SCEL: variants seen among roughly 807,000 people sequenced by gnomAD.
The protein encoded by SCEL is sciellin.
In SCEL, 113 loss-of-function variants were observed where a neutral mutation model predicts 117.6. The observed-to-expected ratio is 0.96, with a 90% CI of 0.83 to 1.12. The LOEUF is 1.12. Ranked by LOEUF, SCEL falls within the 50% of genes most tolerant of loss-of-function variation. SCEL has a pLI of 0.00. For missense variants in SCEL, 785 were observed against 810.8 expected (o/e 0.97, Z 0.39); for synonymous variants, 270 against 256.2 (o/e 1.05, Z -0.51).
At chr13:77,598,934 G>C (rs1383927299) in intron 13 of SCEL, among the ~76,000 whole-genome samples, 1 of 152,072 alleles carries the variant, frequency 6.6e-6, no homozygotes, top group Non-Finnish European at 1.5e-5. Context: ...CTTCCACCTT[G>C]GCCTCCCAAA....
At chr13:77,624,441 C>T (rs1567433710) in intron 27 of SCEL, among the ~76,000 whole-genome samples, 1 of 152,120 alleles carries the variant, frequency 6.6e-6, no homozygotes, top group Non-Finnish European at 1.5e-5. Context: ...ACTTTGTCTT[C>T]CCTCTGTGTG....
At chr13:77,637,217 A>G (rs774661456) in intron 30 of SCEL, 23 bp downstream of exon 30, 2 of 1,322,746 alleles carry the variant, frequency 1.5e-6, no homozygotes, top group Non-Finnish European at 2.1e-6. Flanking sequence ...TTATTTCCAT[A>G]CATAAAAAGT....
rs768238369 is a variant in SCEL, at chr13:77,599,697, G to A, written c.866G>A (p.Ser289Asn). The A allele has an allele frequency of 1.2e-6, 2 of 1,611,244 alleles. No homozygotes were observed. The highest frequency in any genetic ancestry group is 1.7e-6 in the Non-Finnish European group (2 of 1,177,490). ...TTTCTTTGTGTTTTCAGAGCCAAAA[G>A]CCTTGAAAGTCTCATCTATATGAGT... ...KVEEREKRAK[S>N]LESLIYMSTR... is the part of the protein sequence containing the mutation. The change falls in exon 15 of 33, where the codon AGC (serine) becomes AAC (asparagine). Residue 289 changes from serine to asparagine, a missense_variant. Physicochemically the swap from Ser to Asn is conservative, Grantham distance 46. Coordinates refer to ENST00000349847, the MANE Select transcript of SCEL (RefSeq NM_144777.3).
At position 77,598,649 on chromosome 13, in the gene SCEL, C is replaced by A. The variant is rs140464045; in HGVS notation, c.798-680C>A. ...TAGTGTTGCAGGACAGCAGGGCATT[C>A]TCAGGAGATCCTGAAAATCCAGTTT... On this transcript the variant is annotated intron_variant, in intron 13 of 32. Coordinates refer to ENST00000349847, the MANE Select transcript of SCEL (RefSeq NM_144777.3). Among the ~76,000 whole-genome samples the A allele has an allele frequency of 2.5e-3, 377 of 152,292 alleles. 2 individuals carry two copies. The highest frequency in any genetic ancestry group is 8.3e-3 in the African/African-American group (346 of 41,566).
chr13:77,637,234 A>T (rs371459746), intron 30 of SCEL, 40 bp downstream of exon 30: 171 of 898,458 alleles, frequency 1.9e-4, no homozygotes, highest in Middle Eastern at 3.2e-4. Context: ...AAGTACACAC[A>T]TACAGACACA....
chr13:77,562,509 A>T (rs541076982), intron 4 of SCEL, among the ~76,000 whole-genome samples: 1 of 152,170 alleles, frequency 6.6e-6, no homozygotes, highest in South Asian at 2.1e-4. Flanking sequence ...GCCCAGCTCA[A>T]ACTGCACTTC....
chr13:77,576,496 C>T (rs1341975487), intron 9 of SCEL, among the ~76,000 whole-genome samples: 1 of 152,174 alleles, frequency 6.6e-6, no homozygotes, highest in Non-Finnish European at 1.5e-5. Context: ...GCATCCAGCT[C>T]CAGGGTTTCA....
intron 19 of SCEL, among the ~76,000 whole-genome samples, chr13:77,607,135 C>T (rs1016446726): frequency 1.3e-5 from 2 of 152,082 alleles, no homozygotes; most frequent in African/African-American, 2.4e-5. Context: ...AAAGCCTGGG[C>T]TCATGGGGAT....
chr13:77,547,514 T>C (rs2084058905), intron 1 of SCEL, among the ~76,000 whole-genome samples: 1 of 152,204 alleles, frequency 6.6e-6, no homozygotes, highest in Non-Finnish European at 1.5e-5. Flanking sequence ...ATTAACTCAG[T>C]GCCACTGCCC....
chr13:77,633,544 C>A (rs1456460452), intron 28 of SCEL, among the ~76,000 whole-genome samples: 9 of 148,732 alleles, frequency 6.1e-5, no homozygotes, highest in Admixed American at 6.0e-4. Context: ...CAAAAAACTT[C>A]TAGTGACCTT....
At chr13:77,563,628 T>A (rs1029559760) in intron 4 of SCEL, among the ~76,000 whole-genome samples, 3 of 152,206 alleles carry the variant, frequency 2.0e-5, no homozygotes, top group Non-Finnish European at 4.4e-5. Context: ...AAGAATCTTT[T>A]ATTAGCATAG....
intron 9 of SCEL, among the ~76,000 whole-genome samples, chr13:77,581,744 A>G (rs895395846): frequency 3.9e-5 from 6 of 152,234 alleles, no homozygotes; most frequent in African/African-American, 7.2e-5. Flanking sequence ...TGGAAGTTCT[A>G]TCGACTAGAG....
chr13:77,543,311 C>T (rs2083821364), intron 1 of SCEL, among the ~76,000 whole-genome samples: 1 of 151,760 alleles, frequency 6.6e-6, no homozygotes, highest in African/African-American at 2.4e-5. Context: ...TCTCGATCTC[C>T]TGACCTCGTG....
At chr13:77,584,905 C>T (rs540778809) in intron 9 of SCEL, among the ~76,000 whole-genome samples, 49 of 152,276 alleles carry the variant, frequency 3.2e-4, no homozygotes, top group Non-Finnish European at 6.5e-4. Flanking sequence ...GTAGAATCTG[C>T]CACTAAGCCA....
chr13:77,573,235 A>G (rs1330139992), intron 9 of SCEL, among the ~76,000 whole-genome samples: 1 of 152,136 alleles, frequency 6.6e-6, no homozygotes, highest in East Asian at 1.9e-4. Flanking sequence ...TGGAGCCTAC[A>G]CTCTGGTCTT....
chr13:77,577,910 G>A (rs1458618010), intron 9 of SCEL, among the ~76,000 whole-genome samples: 1 of 152,136 alleles, frequency 6.6e-6, no homozygotes, highest in Non-Finnish European at 1.5e-5. Flanking sequence ...CAGCCCCCCA[G>A]TTCCTGTTAA....
chr13:77,619,211 C>T (rs1275167377), intron 27 of SCEL, among the ~76,000 whole-genome samples: 1 of 152,202 alleles, frequency 6.6e-6, no homozygotes, highest in Non-Finnish European at 1.5e-5. Flanking sequence ...CTAACTCTTA[C>T]ATCTCCTAGC....
At chr13:77,602,770 T>A in intron 17 of SCEL, 57 bp downstream of exon 17, 1 of 1,452,518 alleles carries the variant, frequency 6.9e-7, no homozygotes, top group Non-Finnish European at 9.7e-7. Context: ...ATTAATTATG[T>A]GATATTGAGG....
Position 77,553,634 on chromosome 13 carries a change from C to T in SCEL, c.-19-2223C>T, listed in dbSNP as rs60151859. ...CCAGCCAGGGGATCCCTGACACTCCCGGTGTGCTCAGCTGCCCAAGTTCAA... is the reference window on the plus strand; with the variant it reads ...CCAGCCAGGGGATCCCTGACACTCCTGGTGTGCTCAGCTGCCCAAGTTCAA... On this transcript the variant is annotated intron_variant, in intron 1 of 32. Transcript: ENST00000349847. Among the ~76,000 whole-genome samples, 1,389 of 151,994 alleles carry T rather than the reference C, an allele frequency of 9.1e-3. 28 individuals are homozygous for T. Among genetic ancestry groups the T allele is most frequent in the African/African-American group, 0.031 (1,282 of 41,464 alleles).
Sources: allele counts gnomAD v4.1 joint callset (sites outside exome capture counted in the v4.1 genomes callset), GRCh38; gene constraint gnomAD v4.1.1; transcripts MANE v1.5; gene names NCBI Gene and HGNC (gene_info 2026-07-23, HGNC 2026-07-21).